Variants in CREM observed in about 807,000 individuals in gnomAD.
CREM encodes cAMP responsive element modulator, also known as cAMP-responsive element modulator.
In CREM, 13 loss-of-function variants were observed where a neutral mutation model predicts 37.3. That is an observed-to-expected ratio of 0.35 (90% confidence interval 0.23 to 0.55). The LOEUF (loss-of-function observed/expected upper bound fraction) is 0.55. CREM is among the 20% of genes least tolerant of loss of function. The pLI is 0.88. For synonymous variants in CREM, 124 were observed against 120.2 expected, an observed-to-expected ratio of 1.03 and a Z score of -0.21; for missense variants, 296 against 362.3, an observed-to-expected ratio of 0.82 and a Z score of 1.49.
Position 35,189,312 on chromosome 10 carries a change from C to T in CREM, c.598+924C>T, listed in dbSNP as rs540755151. On this transcript the variant is annotated intron_variant, in intron 6 of 7. Coordinates refer to ENST00000685392, the MANE Select transcript of CREM (RefSeq NM_183011.2). Reference sequence around the variant, plus strand: ...TGTAGCCCTAAGCTTTTAGGGTTACCTGAGATTTCAACTGGATTTGCGTTA... The same window carrying T: ...TGTAGCCCTAAGCTTTTAGGGTTACTTGAGATTTCAACTGGATTTGCGTTA... Among the ~76,000 whole-genome samples, 4 of 151,878 alleles carry T rather than the reference C, an allele frequency of 2.6e-5. No individual in the cohort carries two copies. The South Asian group carries it at 6.2e-4, about 24-fold the overall frequency.
chr10:35,183,849 C>T (rs566233022), intron 5 of CREM, among the ~76,000 whole-genome samples: 3 of 152,218 alleles, frequency 2.0e-5, no homozygotes, highest in South Asian at 4.1e-4. Context: ...CTGAGGTGGG[C>T]GGATCACCTG....
At position 35,190,898 on chromosome 10, in the gene CREM, A is replaced by G. The variant is rs1369066879; in HGVS notation, c.598+2510A>G. 2.0e-5 allele frequency among the ~76,000 whole-genome samples: 3 copies of G among 152,016 alleles called. No homozygotes were observed. In the East Asian group the frequency reaches 5.8e-4, roughly 29 times the overall value. Reference sequence around the variant, plus strand: ...AGGATGGTCTCGATCTCCTGACCTCATGATCCGCCCACCTCAGCCTCCCGA... The same window carrying G: ...AGGATGGTCTCGATCTCCTGACCTCGTGATCCGCCCACCTCAGCCTCCCGA... On this transcript the variant is annotated intron_variant, in intron 6 of 7. Transcript: ENST00000685392.
intron 5 of CREM, among the ~76,000 whole-genome samples, chr10:35,187,081 T>G (rs1211678171): frequency 1.4e-4 from 8 of 55,288 alleles, no homozygotes; most frequent in African/African-American, 5.6e-4. Flanking sequence ...TAATAATATA[T>G]ATAATATATA....
intron 3 of CREM, among the ~76,000 whole-genome samples, chr10:35,163,718 G>A (rs982065743): frequency 6.6e-6 from 1 of 152,126 alleles, no homozygotes; most frequent in Non-Finnish European, 1.5e-5. Flanking sequence ...CTACTCGGGA[G>A]GCTGAGGCGG....
intron 1 of CREM, among the ~76,000 whole-genome samples, chr10:35,128,716 G>A (rs558427772): frequency 1.4e-4 from 21 of 152,024 alleles, no homozygotes; most frequent in African/African-American, 5.1e-4. Context: ...TAGTAGAAAC[G>A]GGGTTTCACA....
In CREM at chr10:35,178,694, A is replaced by G. The variant is rs374237514; in HGVS notation, c.169-195A>G. 7.2e-5 allele frequency among the ~76,000 whole-genome samples: 11 copies of G among 152,330 alleles called. No individual in the cohort carries two copies. In the South Asian group the frequency reaches 1.2e-3, roughly 17 times the overall value. ...ATTCCTTTCCACACACATTTGTTTT[A>G]TAACTGAAATGTTTGCGTCTGCGCT... On this transcript the variant is annotated intron_variant, in intron 3 of 7. Transcript: ENST00000685392.
chr10:35,139,127 A>ATT (rs112599991), intron 2 of CREM, among the ~76,000 whole-genome samples: 4 of 146,078 alleles, frequency 2.7e-5, no homozygotes, highest in African/African-American at 5.0e-5. Flanking sequence ...CATTTTAGCA[A>ATT]TTTTTTTTTT....
rs1395823718 is a variant in CREM at position 35,187,034 on chromosome 10, AAT to A, written c.410-1159_410-1158del. On this transcript the variant is annotated intron_variant, in intron 5 of 7. Coordinates refer to ENST00000685392, the MANE Select transcript of CREM (RefSeq NM_183011.2). ...ATAATATATAATATATATCACATAT[AAT>A]ATATATTATATATAATTAATATATA... Among the ~76,000 whole-genome samples the A allele has an allele frequency of 5.8e-3, 462 of 79,544 alleles. 8 individuals are homozygous for A. Among genetic ancestry groups the A allele is most frequent in the African/African-American group, 0.023 (434 of 18,694 alleles). The allele number at this position is 79,544 out of a possible 152,430, so 52.2% of individuals were successfully genotyped here.
At chr10:35,143,991 G>A (rs1246278886) in intron 2 of CREM, among the ~76,000 whole-genome samples, 1 of 152,194 alleles carries the variant, frequency 6.6e-6, no homozygotes, top group African/African-American at 2.4e-5. Context: ...ATGAAATATG[G>A]AAGGAGCTTA....
chr10:35,200,765 G>A (rs1472430968), intron 6 of CREM, among the ~76,000 whole-genome samples: 1 of 152,126 alleles, frequency 6.6e-6, no homozygotes, highest in East Asian at 1.9e-4. Flanking sequence ...ACTTAAAGGT[G>A]TATTTAGGAT....
chr10:35,177,311 CT>C (rs2133063852), intron 3 of CREM, among the ~76,000 whole-genome samples: 1 of 152,302 alleles, frequency 6.6e-6, no homozygotes, highest in Admixed American at 6.5e-5. Flanking sequence ...GTGATGGCCC[CT>C]GATTCCAAGA....
rs189249330 is a variant in CREM at position 35,191,283 on chromosome 10, C to T, written c.598+2895C>T. Among the ~76,000 whole-genome samples the T allele has an allele frequency of 3.2e-3, 487 of 151,898 alleles. 2 individuals carry two copies. Among genetic ancestry groups the T allele is most frequent in the Middle Eastern group, 6.8e-3 (2 of 292 alleles). On this transcript the variant is annotated intron_variant, in intron 6 of 7. Transcript: ENST00000685392. ...TAGAGAAATACGGATTATTTTAAGTCGATCTTTTATCTATTAACTTTGCTG... is the reference window on the plus strand; with the variant it reads ...TAGAGAAATACGGATTATTTTAAGTTGATCTTTTATCTATTAACTTTGCTG...
chr10:35,163,557 C>T (rs75726195), intron 3 of CREM, among the ~76,000 whole-genome samples: 2 of 152,120 alleles, frequency 1.3e-5, no homozygotes, highest in Admixed American at 6.6e-5. Flanking sequence ...CAGTGGCTCA[C>T]GTGTAATCCC....
chr10:35,211,217 G>A (rs1325069579), intron 7 of CREM, 37 bp from the exon 8 acceptor site: 10 of 1,601,296 alleles, frequency 6.2e-6, no homozygotes, highest in Non-Finnish European at 7.7e-6. Flanking sequence ...GTGTTGGAAG[G>A]CTGTTCCTGT....
intron 7 of CREM, chr10:35,210,471 A>G (rs1279721724): frequency 6.6e-6 from 1 of 152,234 alleles, no homozygotes; most frequent in Admixed American, 6.5e-5. Flanking sequence ...GTGCTTTAAA[A>G]TTCAATATAT....
chr10:35,167,526 C>T (rs939965439), intron 3 of CREM: 13 of 570,926 alleles, frequency 2.3e-5, no homozygotes, highest in African/African-American at 9.4e-5. Flanking sequence ...TAAACCCCAT[C>T]GTGAGGGAAC....
chr10:35,176,117 G>A (rs2094059832), intron 3 of CREM: 2 of 1,362,300 alleles, frequency 1.5e-6, no homozygotes, highest in African/African-American at 2.9e-5. Context: ...CTTTTTATTA[G>A]ATATTTGGAG....
Position 35,211,216 on chromosome 10 carries a change from G to C in CREM, c.756-38G>C, listed in dbSNP as rs778418355. On this transcript the variant is annotated intron_variant, in intron 7 of 7. Coordinates refer to ENST00000685392, the MANE Select transcript of CREM (RefSeq NM_183011.2). The stretch of plus-strand genomic sequence containing the variant: ...TGACCCACTGTGGATTGTGTTGGAA[G>C]GCTGTTCCTGTAGTCATTTGCCTTG... The C allele has an allele frequency of 4.4e-6, 7 of 1,600,960 alleles. No homozygotes were observed. In the South Asian group the frequency reaches 7.9e-5, roughly 18 times the overall value.
intron 1 of CREM, among the ~76,000 whole-genome samples, chr10:35,128,760 C>T (rs1404641720): frequency 6.6e-6 from 1 of 151,790 alleles, no homozygotes; most frequent in African/African-American, 2.4e-5. Flanking sequence ...CTCCTGACCT[C>T]GTGATCCGCC....
Sources: gnomAD v4.1 joint callset for allele counts (sites outside exome capture counted in the v4.1 genomes callset) on GRCh38, gnomAD v4.1.1 for gene constraint, MANE v1.5 for transcripts, NCBI Gene and HGNC (gene_info 2026-07-23, HGNC 2026-07-21) for gene names.